Variants in HECW2 observed in about 807,000 individuals in gnomAD.
The protein encoded by HECW2 is HECT, C2 and WW domain containing E3 ubiquitin protein ligase 2, also known as E3 ubiquitin-protein ligase HECW2.
HECW2 carries 61 observed loss-of-function variants against 175.2 expected under a neutral mutation model. The ratio of observed to expected loss-of-function variants is 0.35; its 90% CI spans 0.28 to 0.43. The LOEUF (loss-of-function observed/expected upper bound fraction) is 0.43, where lower values mean the gene tolerates loss of function less well. Among genes scored for constraint, HECW2 ranks in the 20% least tolerant of loss-of-function variants. HECW2 has a pLI of 1.00. For synonymous variants in HECW2, 671 were observed against 731.0 expected (o/e 0.92, Z 1.32); for missense variants, 1,524 against 2,000.5 (o/e 0.76, Z 4.54).
At chr2:196,226,178 T>G (rs1376247763) in intron 22 of HECW2, among the ~76,000 whole-genome samples, 1 of 152,046 alleles carries the variant, frequency 6.6e-6, no homozygotes, top group South Asian at 2.1e-4. Flanking sequence ...TTCATGATAG[T>G]GAGTTCTCAT....
intron 1 of HECW2, among the ~76,000 whole-genome samples, chr2:196,582,929 T>G (rs191305962): frequency 1.3e-5 from 2 of 152,290 alleles, no homozygotes; most frequent in Admixed American, 1.3e-4. Context: ...TGCCTTTCCT[T>G]TTGATGAAGT....
chr2:196,435,555 A>T (rs4850396), intron 1 of HECW2, among the ~76,000 whole-genome samples: 2 of 152,206 alleles, frequency 1.3e-5, no homozygotes, highest in African/African-American at 4.8e-5. Context: ...CAGAAGAAAT[A>T]CTGACAATTA....
chr2:196,435,877 T>G (rs1337995148), intron 1 of HECW2, among the ~76,000 whole-genome samples: 1 of 152,246 alleles, frequency 6.6e-6, no homozygotes, highest in African/African-American at 2.4e-5. Context: ...ATATAGTAAG[T>G]GCTTGGTCAA....
chr2:196,433,114 C>G lies in HECW2; in HGVS notation c.292+18G>C, dbSNP rs1349219150. The G allele has an allele frequency of 6.3e-7, 1 of 1,584,864 alleles. No individual in the cohort carries two copies. Among genetic ancestry groups the G allele is most frequent in the Non-Finnish European group, 8.6e-7 (1 of 1,161,838 alleles). On this transcript the variant is annotated intron_variant, in intron 2 of 28. Coordinates refer to ENST00000644978, the MANE Select transcript of HECW2 (RefSeq NM_001348768.2). ...TGTATGCTCTGAGTCACATGCAAGT[C>G]CATTCCACTTGACTCACCTATATGA...
At chr2:196,271,537 C>G (rs1689737949) in intron 16 of HECW2, among the ~76,000 whole-genome samples, 1 of 152,112 alleles carries the variant, frequency 6.6e-6, no homozygotes, top group Non-Finnish European at 1.5e-5. Flanking sequence ...ATCCACCTGC[C>G]TTGGCCTCCC....
intron 1 of HECW2, among the ~76,000 whole-genome samples, chr2:196,569,617 G>A (rs1275571757): frequency 6.6e-6 from 1 of 152,068 alleles, no homozygotes; most frequent in African/African-American, 2.4e-5. Context: ...CATCACTAGG[G>A]GGACCCTCTA....
At chr2:196,501,096 G>A (rs2125402339) in intron 1 of HECW2, among the ~76,000 whole-genome samples, 1 of 152,214 alleles carries the variant, frequency 6.6e-6, no homozygotes, top group South Asian at 2.1e-4. Context: ...TGATTATAAT[G>A]GCAGAAATAC....
At chr2:196,372,872 C>T (rs552526878) in intron 2 of HECW2, among the ~76,000 whole-genome samples, 1 of 152,094 alleles carries the variant, frequency 6.6e-6, no homozygotes, top group Non-Finnish European at 1.5e-5. Flanking sequence ...GGTTCCGCGG[C>T]CAAAAATGGA....
intron 2 of HECW2, among the ~76,000 whole-genome samples, chr2:196,397,068 C>T (rs946561042): frequency 1.6e-4 from 24 of 152,114 alleles, no homozygotes; most frequent in Admixed American, 1.4e-3. Context: ...GCCGAGATGG[C>T]GCCACTGCAC....
In HECW2 at chr2:196,309,775, T is replaced by TA. The variant is rs1691415188; in HGVS notation, c.2435-1691dup. The stretch of plus-strand genomic sequence containing the variant: ...AATAGGTCAATTCAGGATAAAAAAA[T>TA]AGAGACCAACTAGACCAGCTAAAGG... On this transcript the variant is annotated intron_variant, in intron 10 of 28. Coordinates refer to ENST00000644978, the MANE Select transcript of HECW2 (RefSeq NM_001348768.2). 3.3e-5 allele frequency among the ~76,000 whole-genome samples: 5 copies of TA among 152,200 alleles called. No individual in the cohort carries two copies. The South Asian group carries it at 1.0e-3, about 32-fold the overall frequency.
intron 1 of HECW2, among the ~76,000 whole-genome samples, chr2:196,568,363 C>T (rs1291414708): frequency 6.6e-6 from 1 of 152,138 alleles, no homozygotes; most frequent in East Asian, 1.9e-4. Context: ...CTATCTACTA[C>T]AAAATGGAGA....
At chr2:196,532,249 C>A (rs952550072) in intron 1 of HECW2, among the ~76,000 whole-genome samples, 114 of 152,254 alleles carry the variant, frequency 7.5e-4, no homozygotes, top group Admixed American at 1.4e-3. Context: ...CAATGATAGA[C>A]TGGATAAAGA....
intron 2 of HECW2, among the ~76,000 whole-genome samples, chr2:196,375,851 A>G (rs1694036982): frequency 1.3e-5 from 2 of 152,262 alleles, no homozygotes; most frequent in Admixed American, 6.5e-5. Flanking sequence ...CACTTGTTCT[A>G]TATCACCAAT....
At chr2:196,210,386 A>G (rs796257769) in intron 28 of HECW2, among the ~76,000 whole-genome samples, 30 of 152,174 alleles carry the variant, frequency 2.0e-4, no homozygotes, top group African/African-American at 7.2e-4. Flanking sequence ...TTCCTTCAGA[A>G]ATGGTATCTC....
chr2:196,491,308 GAC>G (rs1449620736), intron 1 of HECW2, among the ~76,000 whole-genome samples: 3 of 150,828 alleles, frequency 2.0e-5, no homozygotes, highest in Non-Finnish European at 4.4e-5. Context: ...AGGAGTTCAA[GAC>G]CAGCCCTGCC....
At chr2:196,360,219 C>T (rs1432695649) in intron 2 of HECW2, among the ~76,000 whole-genome samples, 3 of 152,208 alleles carry the variant, frequency 2.0e-5, no homozygotes, top group African/African-American at 7.2e-5. Flanking sequence ...CAATACAAAT[C>T]ATTCTATCAT....
chr2:196,429,716 G>A (rs753525038), intron 2 of HECW2, among the ~76,000 whole-genome samples: 2 of 152,200 alleles, frequency 1.3e-5, no homozygotes, highest in Non-Finnish European at 2.9e-5. Context: ...TTTCCTGAGT[G>A]TAGAGCAAGA....
In HECW2 at chr2:196,220,799, T is replaced by C; in HGVS notation, c.4289A>G (p.Tyr1430Cys). The change falls in exon 25 of 29, where the codon TAT becomes TGT. Residue 1430 changes from tyrosine to cysteine, a missense_variant. Coordinates refer to ENST00000644978, the MANE Select transcript of HECW2 (RefSeq NM_001348768.2). ...QQTESLVRGF[Y>C]EVVDARLVSV... ...CCTACTGCTGATTGTCTTTACCTCA[T>C]AGAAGCCACGCACTAAGCTCTCTGT... The C allele has an allele frequency of 6.2e-7, 1 of 1,614,152 alleles. No individual in the cohort carries two copies. Among genetic ancestry groups the C allele is most frequent in the Non-Finnish European group, 8.5e-7 (1 of 1,179,996 alleles).
intron 1 of HECW2, among the ~76,000 whole-genome samples, chr2:196,489,356 C>T (rs914472447): frequency 6.6e-6 from 1 of 152,154 alleles, no homozygotes; most frequent in Non-Finnish European, 1.5e-5. Flanking sequence ...TACTGTTTTT[C>T]TTCTAAGGTC....
Sources: gnomAD v4.1 joint callset for allele counts (sites outside exome capture counted in the v4.1 genomes callset) on GRCh38, gnomAD v4.1.1 for gene constraint, MANE v1.5 for transcripts, NCBI Gene and HGNC (gene_info 2026-07-23, HGNC 2026-07-21) for gene names.